The following VTI1A variants were observed in gnomAD, a reference collection of about 807,000 sequenced individuals.
VTI1A encodes the protein vesicle transport through interaction with t-SNAREs homolog 1A.
Under a neutral mutation model 34.9 loss-of-function variants are expected in VTI1A, and 22 were observed. That is an observed-to-expected ratio of 0.63 (90% CI 0.45 to 0.90). The LOEUF (loss-of-function observed/expected upper bound fraction) is 0.90. Ranked by LOEUF, VTI1A falls within the 40% of genes least tolerant of loss-of-function variation. VTI1A has a pLI of 0.00. For missense variants in VTI1A, 268 were observed against 275.6 expected (o/e 0.97, Z 0.20); for synonymous variants, 87 against 97.3 (o/e 0.89, Z 0.62).
At chr10:112,746,946 C>T (rs1217744498) in intron 7 of VTI1A, among the ~76,000 whole-genome samples, 2 of 152,200 alleles carry the variant, frequency 1.3e-5, no homozygotes, top group African/African-American at 2.4e-5. Context: ...CTCATTTAAT[C>T]CTCACAAGAA....
intron 7 of VTI1A, among the ~76,000 whole-genome samples, chr10:112,680,153 A>C (rs1848166036): frequency 6.6e-6 from 1 of 152,180 alleles, no homozygotes; most frequent in Non-Finnish European, 1.5e-5. Context: ...CTTATTTTGA[A>C]TTTGTCCACA....
intron 5 of VTI1A, among the ~76,000 whole-genome samples, chr10:112,646,382 A>G (rs1264622151): frequency 6.6e-6 from 1 of 152,186 alleles, no homozygotes; most frequent in Admixed American, 6.5e-5. Context: ...TAACACTCAG[A>G]TTATTATATC....
At chr10:112,837,184 G>C in the VTI1A span, among the ~76,000 whole-genome samples, 2 of 152,184 alleles carry the variant, frequency 1.3e-5, no homozygotes, top group South Asian at 2.1e-4. Flanking sequence ...GCTGAGTGTG[G>C]TGTGTGGTGG....
chr10:112,552,088 T>A (rs899906171), intron 5 of VTI1A, among the ~76,000 whole-genome samples: 9 of 152,204 alleles, frequency 5.9e-5, no homozygotes, highest in African/African-American at 2.2e-4. Flanking sequence ...TGTTAATGTA[T>A]TATGTGCTAA....
At chr10:112,604,149 T>G (rs1844984962) in intron 5 of VTI1A, among the ~76,000 whole-genome samples, 1 of 152,164 alleles carries the variant, frequency 6.6e-6, no homozygotes, top group African/African-American at 2.4e-5. Flanking sequence ...TTTTGCATAG[T>G]GGGTGCTCTG....
At chr10:112,786,093 G>A (rs1389130961) in intron 7 of VTI1A, among the ~76,000 whole-genome samples, 2 of 152,090 alleles carry the variant, frequency 1.3e-5, no homozygotes, top group African/African-American at 4.8e-5. Context: ...ATTCATGAAT[G>A]GAATTGTTCC....
At chr10:112,573,163 AGATGT>A (rs956461286) in intron 5 of VTI1A, among the ~76,000 whole-genome samples, 2 of 152,202 alleles carry the variant, frequency 1.3e-5, no homozygotes, top group Non-Finnish European at 2.9e-5. Flanking sequence ...CTGGCCTAGC[AGATGT>A]GATTGGAGCA....
chr10:112,590,017 T>C (rs902367035), intron 5 of VTI1A, among the ~76,000 whole-genome samples: 7 of 152,204 alleles, frequency 4.6e-5, no homozygotes, highest in African/African-American at 1.7e-4. Context: ...GTTAGGGTGC[T>C]ATTTAAGTGC....
At chr10:112,669,389 T>C (rs7898049) in intron 7 of VTI1A, among the ~76,000 whole-genome samples, 19,284 of 152,248 alleles carry the variant, frequency 0.13, 1,322 homozygotes, top group Middle Eastern at 0.16. Context: ...AGCTTTGCTC[T>C]CTGTTGCCTT....
intron 3 of VTI1A, among the ~76,000 whole-genome samples, chr10:112,521,731 C>T (rs868619159): frequency 3.9e-5 from 6 of 152,148 alleles, no homozygotes; most frequent in Middle Eastern, 6.8e-3. Context: ...GTTTTCTTTA[C>T]CTTTACCTAA....
chr10:112,589,194 C>G (rs1273645924), intron 5 of VTI1A, among the ~76,000 whole-genome samples: 1 of 151,994 alleles, frequency 6.6e-6, no homozygotes, highest in African/African-American at 2.4e-5. Flanking sequence ...TGTTCCCCAC[C>G]CAAATCTCAT....
intron 7 of VTI1A, among the ~76,000 whole-genome samples, chr10:112,779,231 A>G (rs1852042105): frequency 6.6e-6 from 1 of 152,218 alleles, no homozygotes. Context: ...AGGAGTCAGA[A>G]TCAACTTGGA....
At chr10:112,507,916 G>A (rs1054875997) in intron 3 of VTI1A, among the ~76,000 whole-genome samples, 1 of 152,160 alleles carries the variant, frequency 6.6e-6, no homozygotes, top group African/African-American at 2.4e-5. Flanking sequence ...GAGAACAGCT[G>A]TGGCTCTCTT....
At chr10:112,636,900 AAC>A (rs1326281734) in intron 5 of VTI1A, among the ~76,000 whole-genome samples, 1 of 152,176 alleles carries the variant, frequency 6.6e-6, no homozygotes, top group Non-Finnish European at 1.5e-5. Context: ...AACAACAAAA[AAC>A]AGTCATTAAG....
chr10:112,516,302 G>T (rs1324572738), intron 3 of VTI1A, among the ~76,000 whole-genome samples: 1 of 151,984 alleles, frequency 6.6e-6, no homozygotes, highest in Non-Finnish European at 1.5e-5. Context: ...TAAAACAACA[G>T]ATATGAGATA....
In VTI1A at chr10:112,512,692, T is replaced by C. The variant is rs1231060319; in HGVS notation, c.265-14395T>C. 3.3e-5 allele frequency among the ~76,000 whole-genome samples: 5 copies of C among 152,196 alleles called. No individual in the cohort carries two copies. In the South Asian group the frequency reaches 6.2e-4, roughly 19 times the overall value. ...CATAGTTTGGAGTCTTGTGTTTAGG[T>C]CCTTAATCCACTTTGAATTCGTTTT... On this transcript the variant is annotated intron_variant, in intron 3 of 7. Coordinates refer to ENST00000393077, the MANE Select transcript of VTI1A (RefSeq NM_145206.4).
chr10:112,830,849 A>ATATATATATATATATATATTTTTTTT, the VTI1A span, among the ~76,000 whole-genome samples: 3 of 33,496 alleles, frequency 9.0e-5, no homozygotes, highest in Admixed American at 4.7e-4. Flanking sequence ...ATATATATAT[A>ATATATATATATATATATATTTTTTTT]TTTTTTTTTT....
At chr10:112,633,468 C>T (rs549958910) in intron 5 of VTI1A, among the ~76,000 whole-genome samples, 1 of 152,238 alleles carries the variant, frequency 6.6e-6, no homozygotes, top group African/African-American at 2.4e-5. Context: ...TTTCTGTCCT[C>T]CCTATGCTAG....
chr10:112,628,964 A>G (rs1365947943), intron 5 of VTI1A, among the ~76,000 whole-genome samples: 1 of 152,172 alleles, frequency 6.6e-6, no homozygotes, highest in Non-Finnish European at 1.5e-5. Context: ...GATACACCAG[A>G]CATCTCATAA....
Sources: gnomAD v4.1 joint callset for allele counts (sites outside exome capture counted in the v4.1 genomes callset) on GRCh38, gnomAD v4.1.1 for gene constraint, MANE v1.5 for transcripts, NCBI Gene and HGNC (gene_info 2026-07-23, HGNC 2026-07-21) for gene names.